The following TIGAR variants were observed in gnomAD, a reference collection of about 807,000 sequenced individuals.
TIGAR encodes the protein fructose-2,6-bisphosphatase TIGAR.
In TIGAR, 7 loss-of-function variants were observed where a neutral mutation model predicts 17.9. That is an observed-to-expected ratio of 0.39 (90% confidence interval 0.22 to 0.73). The LOEUF (loss-of-function observed/expected upper bound fraction) is 0.73. TIGAR is among the 30% of genes least tolerant of loss of function. The pLI is 0.42. For synonymous variants in TIGAR, 94 were observed against 108.6 expected (o/e 0.87, Z 0.84); for missense variants, 258 against 327.4 (o/e 0.79, Z 1.64).
chr12:4,324,353 G>A, intron 1 of TIGAR: 1 of 803,820 alleles, frequency 1.2e-6, no homozygotes. Context: ...AAATATGTGT[G>A]CCTTTATTAG....
intron 1 of TIGAR, chr12:4,324,434 C>G: frequency 6.6e-7 from 1 of 1,518,632 alleles, no homozygotes; most frequent in South Asian, 1.1e-5. Context: ...CAGTGCTTCA[C>G]CAGCTTATAG....
At chr12:4,344,583 A>G (rs1864759950) in intron 3 of TIGAR, among the ~76,000 whole-genome samples, 1 of 152,256 alleles carries the variant, frequency 6.6e-6, no homozygotes, top group Non-Finnish European at 1.5e-5. Context: ...ATGCAGATCA[A>G]TAAACGTAAT....
chr12:4,354,753 A>T lies in TIGAR; in HGVS notation c.*2062A>T. On this transcript the variant is annotated 3_prime_UTR_variant, in exon 6 of 6. Coordinates refer to ENST00000179259, the MANE Select transcript of TIGAR (RefSeq NM_020375.3). ...TTTTTCTTTTTTTTTTTTTTTGGAG[A>T]CAGAGTCTCTCTCTGTTGCCCAGGC... Among the ~76,000 whole-genome samples the T allele has an allele frequency of 1.5e-5, 2 of 132,926 alleles. No individual in the cohort carries two copies. The highest frequency in any genetic ancestry group is 1.6e-5 in the Non-Finnish European group (1 of 63,944). 87.2% of individuals were successfully genotyped at this position (132,926 alleles called of 152,430 possible). A position where few individuals can be genotyped will look rare whatever the true frequency, so the allele number is the denominator to read the frequency against.
rs1199560264 is a variant in TIGAR at position 4,354,199 on chromosome 12, T to C, written c.*1508T>C. On this transcript the variant is annotated 3_prime_UTR_variant, in exon 6 of 6. Coordinates refer to ENST00000179259, the MANE Select transcript of TIGAR (RefSeq NM_020375.3). ...ATATGTAAAATTCAGTATTATATTGTTCTTAGTGTGTCTAGCACTACCAGT... is the reference window on the plus strand; with the variant it reads ...ATATGTAAAATTCAGTATTATATTGCTCTTAGTGTGTCTAGCACTACCAGT... 2 of 152,220 alleles carry C rather than the reference T, an allele frequency of 1.3e-5. No individual in the cohort carries two copies. Among genetic ancestry groups the C allele is most frequent in the Admixed American group, 1.3e-4 (2 of 15,280 alleles). The allele number at this position is 152,220 out of a possible 1,614,324, so 9.4% of individuals were successfully genotyped here.
At chr12:4,351,885 G>T (rs1864841510) in intron 5 of TIGAR, among the ~76,000 whole-genome samples, 1 of 152,182 alleles carries the variant, frequency 6.6e-6, no homozygotes, top group Non-Finnish European at 1.5e-5. Flanking sequence ...GTAAGGGAAG[G>T]ATTTGTTGCT....
chr12:4,351,256 G>T lies in TIGAR; in HGVS notation c.271-11G>T. The T allele has an allele frequency of 6.2e-7, 1 of 1,610,832 alleles. No homozygotes were observed. Among genetic ancestry groups the T allele is most frequent in the South Asian group, 1.1e-5 (1 of 90,994 alleles). On this transcript the variant is annotated splice_polypyrimidine_tract_variant and intron_variant, in intron 4 of 5. Transcript: ENST00000179259. ...TCATTTGAGAAACTGTTATCTATTG[G>T]ACTGTTTCAGAAATACGGGGTTGTA...
chr12:4,324,903 A>T, intron 1 of TIGAR: 1 of 383,752 alleles, frequency 2.6e-6, no homozygotes, highest in Non-Finnish European at 4.7e-6. Context: ...TATACTTTTA[A>T]TGATTTAAAA....
intron 3 of TIGAR, among the ~76,000 whole-genome samples, chr12:4,347,835 A>T (rs1171227569): frequency 6.6e-6 from 1 of 152,210 alleles, no homozygotes; most frequent in Admixed American, 6.5e-5. Context: ...GGCATGATAG[A>T]TTTAAAATAT....
intron 4 of TIGAR, 53 bp downstream of exon 4, chr12:4,349,949 C>T (rs1029995177): frequency 1.9e-5 from 24 of 1,269,112 alleles, no homozygotes; most frequent in Non-Finnish European, 2.6e-5. Context: ...AGTAAGCCAC[C>T]TCAGTTTGTC....
chr12:4,330,447 A>G (rs1191856832), intron 1 of TIGAR, among the ~76,000 whole-genome samples: 1 of 152,198 alleles, frequency 6.6e-6, no homozygotes, highest in African/African-American at 2.4e-5. Context: ...TGGCCCAGCA[A>G]TTCTAGTGGT....
chr12:4,352,416 G>A lies in TIGAR; in HGVS notation c.538G>A (p.Val180Ile). Residue 180 changes from valine to isoleucine, a missense_variant, in exon 6 of 6, where the codon GTT (valine) becomes ATT (isoleucine). Val to Ile is a conservative substitution (Grantham distance 29). Transcript: ENST00000179259. ...TTTAGGAAAAAATCACAGCTCTAAAGTTAATTCAGACAGCGGTATTCCAGG... is the reference window on the plus strand; with the variant it reads ...TTTAGGAAAAAATCACAGCTCTAAAATTAATTCAGACAGCGGTATTCCAGG... ...FPLGKNHSSK[V>I]NSDSGIPGLA... is the part of the protein sequence containing the mutation. 6.2e-7 allele frequency: 1 copy of A among 1,614,166 alleles called. No individual in the cohort carries two copies. The highest frequency in any genetic ancestry group is 2.2e-5 in the East Asian group (1 of 44,876).
At chr12:4,349,966 C>A in intron 4 of TIGAR, 70 bp downstream of exon 4, 2 of 1,108,072 alleles carry the variant, frequency 1.8e-6, no homozygotes, top group South Asian at 1.6e-5. Flanking sequence ...TGTCACTTGG[C>A]TAAAAGTTAA....
At chr12:4,342,882 A>G (rs1039313700) in intron 3 of TIGAR, among the ~76,000 whole-genome samples, 4 of 152,236 alleles carry the variant, frequency 2.6e-5, no homozygotes, top group African/African-American at 9.6e-5. Flanking sequence ...ATTCACACAT[A>G]ACAATATTAA....
At chr12:4,324,382 G>C (rs920266871) in intron 1 of TIGAR, 44 of 1,120,048 alleles carry the variant, frequency 3.9e-5, no homozygotes, top group Non-Finnish European at 5.9e-5. Flanking sequence ...CTACTTGAGG[G>C]GGATGAAGCG....
In TIGAR at chr12:4,341,232, C is replaced by T. The variant is rs569029197; in HGVS notation, c.192+4072C>T. Among the ~76,000 whole-genome samples the T allele has an allele frequency of 8.6e-5, 13 of 151,916 alleles. No homozygotes were observed. The East Asian group carries it at 1.7e-3, about 20-fold the overall frequency. On this transcript the variant is annotated intron_variant, in intron 3 of 5. Coordinates refer to ENST00000179259, the MANE Select transcript of TIGAR (RefSeq NM_020375.3). The stretch of plus-strand genomic sequence containing the variant: ...ATCCAACTAAAAATGGGCAAAATGT[C>T]TGAATAGATGTTTCTCAAAAGAAGA...
chr12:4,335,004 AT>A (rs1039897829), intron 2 of TIGAR, among the ~76,000 whole-genome samples: 1 of 149,218 alleles, frequency 6.7e-6, no homozygotes, highest in African/African-American at 2.5e-5. Context: ...ATTCTTAGCT[AT>A]TTTCTTTTCA....
intron 1 of TIGAR, 46 bp from the exon 2 acceptor site, chr12:4,331,234 A>C (rs373922309): frequency 6.5e-7 from 1 of 1,543,622 alleles, no homozygotes; most frequent in Non-Finnish European, 9.0e-7. Flanking sequence ...CCTCTCAAAA[A>C]CAGTATAATT....
At chr12:4,342,801 A>G (rs1203559590) in intron 3 of TIGAR, among the ~76,000 whole-genome samples, 1 of 152,248 alleles carries the variant, frequency 6.6e-6, no homozygotes, top group Non-Finnish European at 1.5e-5. Flanking sequence ...TGTAAAGACC[A>G]TCAATGCTAG....
chr12:4,324,011 C>A (rs916545693), intron 1 of TIGAR, among the ~76,000 whole-genome samples: 9 of 152,134 alleles, frequency 5.9e-5, no homozygotes, highest in African/African-American at 9.7e-5. Flanking sequence ...ATCTTTAAAG[C>A]AATTTAAGTT....
Sources: allele counts gnomAD v4.1 joint callset (sites outside exome capture counted in the v4.1 genomes callset), GRCh38; gene constraint gnomAD v4.1.1; transcripts MANE v1.5; gene names NCBI Gene and HGNC (gene_info 2026-07-23, HGNC 2026-07-21).